The following STAT1 variants were observed in gnomAD, a reference collection of about 807,000 sequenced individuals.
The protein encoded by STAT1 is signal transducer and activator of transcription 1-alpha/beta.
STAT1 carries 24 observed loss-of-function variants against 111.7 expected under a neutral mutation model. The ratio of observed to expected loss-of-function variants is 0.21; its 90% CI spans 0.16 to 0.30. The LOEUF (loss-of-function observed/expected upper bound fraction) is 0.30, where lower values mean the gene tolerates loss of function less well. STAT1 is among the 10% of genes least tolerant of loss of function. The pLI is 1.00. For synonymous variants in STAT1, 332 were observed against 326.5 expected, an observed-to-expected ratio of 1.02 and a Z score of -0.18; for missense variants, 351 against 911.9, an observed-to-expected ratio of 0.38 and a Z score of 7.92.
chr2:190,992,939 G>A (rs1193348870), intron 10 of STAT1, among the ~76,000 whole-genome samples: 4 of 151,958 alleles, frequency 2.6e-5, no homozygotes, highest in Non-Finnish European at 5.9e-5. Context: ...ACAGGCGCCC[G>A]CCACCATGCC....
rs1693957673 is a variant in STAT1 at position 190,997,658 on chromosome 2, T to C, written c.785+198A>G. Among the ~76,000 whole-genome samples, 1 of 152,140 alleles carries C rather than the reference T, an allele frequency of 6.6e-6. No individual in the cohort carries two copies. The highest frequency in any genetic ancestry group is 2.4e-5 in the African/African-American group (1 of 41,430). ...AGGAGTGCTCCAAACCAAGCAGACG[T>C]GGCTGAACGTGGCGAGAGTCATGAA... On this transcript the variant is annotated intron_variant, in intron 9 of 24. Transcript: ENST00000361099. The surrounding 1 kb of genome is among the most constrained non-coding windows in gnomAD (Gnocchi z 7.3).
rs966515316 is a variant in STAT1 at position 191,012,756 on chromosome 2, G to GT, written c.-2+768dup. 2.6e-5 allele frequency among the ~76,000 whole-genome samples: 4 copies of GT among 152,198 alleles called. No homozygotes were observed. The highest frequency in any genetic ancestry group is 9.7e-5 in the African/African-American group (4 of 41,444). On this transcript the variant is annotated intron_variant, in intron 2 of 24. Coordinates refer to ENST00000361099, the MANE Select transcript of STAT1 (RefSeq NM_007315.4). This position sits in a 1 kb window ranked among gnomAD's most constrained non-coding sequence, Gnocchi z 4.0. ...CAACCCAGTCACCAAATCATTTACT[G>GT]TTTTTCAACTGTGCCCAACATTTCT...
rs1229667872 is a variant in STAT1, at chr2:190,979,956, C to G, written c.1633-90G>C. The G allele has an allele frequency of 1.2e-6, 1 of 865,330 alleles. No individual in the cohort carries two copies. The highest frequency in any genetic ancestry group is 1.7e-5 in the African/African-American group (1 of 60,088). 53.6% of individuals were successfully genotyped at this position (865,330 alleles called of 1,614,324 possible). On this transcript the variant is annotated intron_variant, in intron 19 of 24. Transcript: ENST00000361099. This position sits in a 1 kb window ranked among gnomAD's most constrained non-coding sequence, Gnocchi z 5.8. Reference sequence around the variant, plus strand: ...CCCACCATCATTTGCAAAGACTCCCCAGGTGCCAAGGATGGAACTGTCCCA... The same window carrying G: ...CCCACCATCATTTGCAAAGACTCCCGAGGTGCCAAGGATGGAACTGTCCCA...
chr2:190,985,916 C>T (rs1238610229), intron 14 of STAT1, among the ~76,000 whole-genome samples: 1 of 152,336 alleles, frequency 6.6e-6, no homozygotes, highest in East Asian at 1.9e-4. Flanking sequence ...TGTGTTCAAA[C>T]TTTCCCTGAA....
rs1304264218 is a variant in STAT1, at chr2:190,995,491, A to G, written c.786-272T>C. 6.6e-6 allele frequency among the ~76,000 whole-genome samples: 1 copy of G among 152,140 alleles called. No individual in the cohort carries two copies. The highest frequency in any genetic ancestry group is 1.5e-5 in the Non-Finnish European group (1 of 68,028). ...TGTGGAGGGAAATTCCCACTTATAA[A>G]ACCATCAGATCTCGTGAGACTTACT... On this transcript the variant is annotated intron_variant, in intron 9 of 24. Transcript: ENST00000361099. The surrounding 1 kb of genome is among the most constrained non-coding windows in gnomAD (Gnocchi z 4.2).
chr2:190,972,387 C>T (rs914944194), intron 24 of STAT1, among the ~76,000 whole-genome samples: 5 of 152,208 alleles, frequency 3.3e-5, no homozygotes, highest in African/African-American at 1.2e-4. Context: ...CCAGACTAAA[C>T]AAATGCCCAA....
chr2:190,979,907 A>T lies in STAT1; in HGVS notation c.1633-41T>A, dbSNP rs375139430. ...TGCAGACATTATGAACAAAAATCTA[A>T]AACAATGACTTACCATGGCCCCTCC... On this transcript the variant is annotated intron_variant, in intron 19 of 24. Coordinates refer to ENST00000361099, the MANE Select transcript of STAT1 (RefSeq NM_007315.4). This position sits in a 1 kb window ranked among gnomAD's most constrained non-coding sequence, Gnocchi z 5.8. 1 of 1,387,346 alleles carries T rather than the reference A, an allele frequency of 7.2e-7. No homozygotes were observed. The highest frequency in any genetic ancestry group is 1.0e-6 in the Non-Finnish European group (1 of 976,176). The allele number at this position is 1,387,346 out of a possible 1,614,324, so 85.9% of individuals were successfully genotyped here.
At position 190,987,940 on chromosome 2, in the gene STAT1, C is replaced by G. The variant is rs1172106979; in HGVS notation, c.1098-872G>C. Reference sequence around the variant, plus strand: ...GACTTGTCAAAGCTAAGAAGACCGTCAGAGCTGGAACCGACAGAAAAGACA... The same window carrying G: ...GACTTGTCAAAGCTAAGAAGACCGTGAGAGCTGGAACCGACAGAAAAGACA... On this transcript the variant is annotated intron_variant, in intron 12 of 24. Coordinates refer to ENST00000361099, the MANE Select transcript of STAT1 (RefSeq NM_007315.4). The surrounding 1 kb of genome is among the most constrained non-coding windows in gnomAD (Gnocchi z 4.0). Among the ~76,000 whole-genome samples the G allele has an allele frequency of 6.6e-6, 1 of 152,196 alleles. No homozygotes were observed. Among genetic ancestry groups the G allele is most frequent in the Non-Finnish European group, 1.5e-5 (1 of 68,036 alleles).
In STAT1 at chr2:190,970,573, G is replaced by A; in HGVS notation, c.*130C>T. ...GAGAAAAATTCACTTGCTATCAACA[G>A]GTTGCAGCGAATTTGCTGGCCTTTC... is the stretch of plus-strand genomic sequence containing the variant. On this transcript the variant is annotated 3_prime_UTR_variant, in exon 25 of 25. Transcript: ENST00000361099. This position sits in a 1 kb window ranked among gnomAD's most constrained non-coding sequence, Gnocchi z 5.4. 2.0e-6 allele frequency: 2 copies of A among 994,626 alleles called. No homozygotes were observed. The highest frequency in any genetic ancestry group is 3.2e-6 in the Non-Finnish European group (2 of 630,454). The allele number at this position is 994,626 out of a possible 1,614,324, so 61.6% of individuals were successfully genotyped here. A position where few individuals can be genotyped will look rare whatever the true frequency, so the allele number is the denominator to read the frequency against.
At chr2:191,002,789 A>T (rs925540455) in intron 5 of STAT1, among the ~76,000 whole-genome samples, 5 of 152,006 alleles carry the variant, frequency 3.3e-5, no homozygotes, top group African/African-American at 1.2e-4. Context: ...AGATATATAT[A>T]TTTTTTTGTG....
In STAT1 at chr2:191,008,837, G is replaced by A. The variant is rs1022424670; in HGVS notation, c.273+126C>T. 9.5e-6 allele frequency: 9 copies of A among 944,070 alleles called. No individual in the cohort carries two copies. The African/African-American group carries it at 1.3e-4, about 14-fold the overall frequency. The allele number at this position is 944,070 out of a possible 1,614,324, so 58.5% of individuals were successfully genotyped here. The stretch of plus-strand genomic sequence containing the variant: ...TACTGATGCTGTAGAAAACATAAAT[G>A]GAGTTAGTCTCTATTACTTCTCTAA... On this transcript the variant is annotated intron_variant, in intron 4 of 24. Coordinates refer to ENST00000361099, the MANE Select transcript of STAT1 (RefSeq NM_007315.4).
rs1419392891 is a variant in STAT1, at chr2:190,993,231, G to T, written c.944+1830C>A. ...AACAATTTGTTGACGTTTTCACTGG[G>T]ATAATGATCTATTTTCTGCAGTCAC... On this transcript the variant is annotated intron_variant, in intron 10 of 24. Transcript: ENST00000361099. This position sits in a 1 kb window ranked among gnomAD's most constrained non-coding sequence, Gnocchi z 4.1. 3.4e-6 allele frequency: 2 copies of T among 580,858 alleles called. No individual in the cohort carries two copies. The allele number at this position is 580,858 out of a possible 1,614,324, so 36.0% of individuals were successfully genotyped here.
chr2:190,998,936 CTG>C lies in STAT1; in HGVS notation c.542-630_542-629del, dbSNP rs1351596486. Among the ~76,000 whole-genome samples the C allele has an allele frequency of 2.6e-5, 4 of 152,078 alleles. No homozygotes were observed. The highest frequency in any genetic ancestry group is 5.9e-5 in the Non-Finnish European group (4 of 68,016). On this transcript the variant is annotated intron_variant, in intron 7 of 24. Transcript: ENST00000361099. The surrounding 1 kb of genome is among the most constrained non-coding windows in gnomAD (Gnocchi z 4.1). ...GAGTAGGAAGTGGTAGTTGAAGTTG[CTG>C]TCTCTTATACTTTCTACCCAAATCA...
chr2:191,004,034 G>A lies in STAT1; in HGVS notation c.373-2871C>T, dbSNP rs1694491424. ...GGGAGATGCTTGGTGGAAAAACCTG[G>A]TGACTGTGGCAGGGCCTAAGAAATC... On this transcript the variant is annotated intron_variant, in intron 5 of 24. Transcript: ENST00000361099. The surrounding 1 kb of genome is among the most constrained non-coding windows in gnomAD (Gnocchi z 5.0). 6.6e-6 allele frequency among the ~76,000 whole-genome samples: 1 copy of A among 152,128 alleles called. No individual in the cohort carries two copies. Among genetic ancestry groups the A allele is most frequent in the Non-Finnish European group, 1.5e-5 (1 of 68,022 alleles).
chr2:190,982,257 T>C lies in STAT1; in HGVS notation c.1582+126A>G. On this transcript the variant is annotated intron_variant, in intron 18 of 24. Transcript: ENST00000361099. This position sits in a 1 kb window ranked among gnomAD's most constrained non-coding sequence, Gnocchi z 7.3. ...TCACTTAGCTATAATAAACTATAGC[T>C]TGAAAAGCTGACAGATTTTAGTACT... 1 of 1,126,164 alleles carries C rather than the reference T, an allele frequency of 8.9e-7. No individual in the cohort carries two copies. The highest frequency in any genetic ancestry group is 2.6e-4 in the Middle Eastern group (1 of 3,804). 69.8% of individuals were successfully genotyped at this position (1,126,164 alleles called of 1,614,324 possible).
At chr2:191,001,327 A>AT (rs1694254261) in intron 5 of STAT1, among the ~76,000 whole-genome samples, 164 bp from the exon 6 acceptor site, 3 of 152,226 alleles carry the variant, frequency 2.0e-5, no homozygotes, top group South Asian at 2.1e-4. Context: ...GCCCTGGAAA[A>AT]TGCTGGCAAA....
In STAT1 at chr2:190,997,012, C is replaced by T. The variant is rs1226220551; in HGVS notation, c.785+844G>A. On this transcript the variant is annotated intron_variant, in intron 9 of 24. Coordinates refer to ENST00000361099, the MANE Select transcript of STAT1 (RefSeq NM_007315.4). This position sits in a 1 kb window ranked among gnomAD's most constrained non-coding sequence, Gnocchi z 7.3. ...CTTGGCTCAGCAGTACAGCTGCGTA[C>T]ATCCCCCATTCCCAGCATGGTGCTG... 6.6e-6 allele frequency among the ~76,000 whole-genome samples: 1 copy of T among 152,248 alleles called. No homozygotes were observed. Among genetic ancestry groups the T allele is most frequent in the East Asian group, 1.9e-4 (1 of 5,200 alleles).
rs577850798 is a variant in STAT1 at position 190,990,602 on chromosome 2, G to A, written c.1037+626C>T. 6.6e-6 allele frequency among the ~76,000 whole-genome samples: 1 copy of A among 152,346 alleles called. No individual in the cohort carries two copies. Among genetic ancestry groups the A allele is most frequent in the East Asian group, 1.9e-4 (1 of 5,194 alleles). Reference sequence around the variant, plus strand: ...AAAGAAATATGTCATATTTGTGTGTGTGTGTGTCTCTATATGAAATATTTG... The same window carrying A: ...AAAGAAATATGTCATATTTGTGTGTATGTGTGTCTCTATATGAAATATTTG... On this transcript the variant is annotated intron_variant, in intron 11 of 24. Transcript: ENST00000361099. This position sits in a 1 kb window ranked among gnomAD's most constrained non-coding sequence, Gnocchi z 5.1.
Position 190,978,728 on chromosome 2 carries a change from T to G in STAT1, c.1873+128A>C. The G allele has an allele frequency of 4.1e-6, 5 of 1,229,532 alleles. No homozygotes were observed. Among genetic ancestry groups the G allele is most frequent in the Non-Finnish European group, 4.6e-6 (4 of 865,578 alleles). The allele number at this position is 1,229,532 out of a possible 1,614,324, so 76.2% of individuals were successfully genotyped here. ...TTTATTAAATCCTATCGGGGGCTCATTTGGGGTAAGTATAAGATCTGCAAT... is the reference window on the plus strand; with the variant it reads ...TTTATTAAATCCTATCGGGGGCTCAGTTGGGGTAAGTATAAGATCTGCAAT... On this transcript the variant is annotated intron_variant, in intron 21 of 24. Coordinates refer to ENST00000361099, the MANE Select transcript of STAT1 (RefSeq NM_007315.4). The surrounding 1 kb of genome is among the most constrained non-coding windows in gnomAD (Gnocchi z 6.1).
Sources: allele counts gnomAD v4.1 joint callset (sites outside exome capture counted in the v4.1 genomes callset), GRCh38; gene constraint gnomAD v4.1.1; non-coding constraint Gnocchi (gnomAD v3.1); transcripts MANE v1.5; gene names NCBI Gene and HGNC (gene_info 2026-07-23, HGNC 2026-07-21).